The following CCR3 variants were observed in gnomAD, a reference collection of about 807,000 sequenced individuals.
CCR3 encodes C-C motif chemokine receptor 3.
For missense variants in CCR3, 419 were observed against 437.5 expected, an observed-to-expected ratio of 0.96 and a Z score of 0.38; for synonymous variants, 203 against 179.2, an observed-to-expected ratio of 1.13 and a Z score of -1.06.
At chr3:46,227,159 C>T (rs1473266661) in intron 2 of CCR3, among the ~76,000 whole-genome samples, 6 of 152,162 alleles carry the variant, frequency 3.9e-5, no homozygotes, top group African/African-American at 1.4e-4. Context: ...GCTGGGATTA[C>T]AGACCTGAGC....
intron 1 of CCR3, among the ~76,000 whole-genome samples, chr3:46,260,980 A>G (rs543834497): frequency 6.6e-6 from 1 of 152,292 alleles, no homozygotes; most frequent in East Asian, 1.9e-4. Context: ...TTAACCACAT[A>G]AGATTCTCTC....
At chr3:46,243,591 A>C (rs1366451761) in intron 1 of CCR3, among the ~76,000 whole-genome samples, 1 of 152,166 alleles carries the variant, frequency 6.6e-6, no homozygotes, top group Non-Finnish European at 1.5e-5. Flanking sequence ...GATGAGTGTT[A>C]ACTTTGACAA....
At chr3:46,260,984 TTC>T (rs545605250) in intron 1 of CCR3, among the ~76,000 whole-genome samples, 46 of 152,282 alleles carry the variant, frequency 3.0e-4, no homozygotes, top group African/African-American at 1.0e-3. Flanking sequence ...CCACATAAGA[TTC>T]TCTCTCTCAT....
At chr3:46,221,178 A>G (rs1227056742) in intron 2 of CCR3, among the ~76,000 whole-genome samples, 1 of 152,166 alleles carries the variant, frequency 6.6e-6, no homozygotes, top group Non-Finnish European at 1.5e-5. Flanking sequence ...AATTGATGCT[A>G]TTATATCAGG....
At chr3:46,255,872 T>C (rs1484790759) in intron 1 of CCR3, among the ~76,000 whole-genome samples, 1 of 152,140 alleles carries the variant, frequency 6.6e-6, no homozygotes, top group Non-Finnish European at 1.5e-5. Context: ...TGTGTTGCTT[T>C]GGCAATGTGG....
intron 1 of CCR3, among the ~76,000 whole-genome samples, chr3:46,260,375 A>G (rs193180825): frequency 5.9e-4 from 89 of 151,778 alleles, no homozygotes; most frequent in African/African-American, 2.1e-3. Flanking sequence ...CCAACATCTC[A>G]TCTGAGACAA....
intron 2 of CCR3, among the ~76,000 whole-genome samples, chr3:46,215,935 C>A (rs780969953): frequency 3.9e-5 from 6 of 152,210 alleles, no homozygotes; most frequent in Non-Finnish European, 5.9e-5. Context: ...AGCTTCACTT[C>A]ATGGGAATAG....
At chr3:46,264,348 G>A (rs1356729475) in intron 1 of CCR3, 1 of 1,103,060 alleles carries the variant, frequency 9.1e-7, no homozygotes, top group Non-Finnish European at 1.3e-6. Context: ...TACTGTGATT[G>A]TACATGTGTA....
intron 1 of CCR3, among the ~76,000 whole-genome samples, chr3:46,245,153 T>A (rs1700165711): frequency 6.6e-6 from 1 of 151,994 alleles, no homozygotes; most frequent in South Asian, 2.1e-4. Flanking sequence ...GCTCTGGAAA[T>A]CCATGTGCTG....
Position 46,265,539 on chromosome 3 carries a change from G to A in CCR3, c.381G>A (p.Leu127=), listed in dbSNP as rs1367070630. 5.6e-6 allele frequency: 9 copies of A among 1,614,116 alleles called. No individual in the cohort carries two copies. The highest frequency in any genetic ancestry group is 6.8e-6 in the Non-Finnish European group (8 of 1,180,012). The change falls in exon 2 of 2, where the codon CTG becomes CTA. Residue 127 remains leucine, a synonymous_variant. Transcript: ENST00000395940. Reference sequence around the variant, plus strand: ...GCGAGATCTTTTTCATAATCCTGCTGACAATCGACAGGTACCTGGCCATTG... The same window carrying A: ...GCGAGATCTTTTTCATAATCCTGCTAACAATCGACAGGTACCTGGCCATTG... ...LYSEIFFIIL[L]TIDRYLAIVH...
At chr3:46,247,971 G>A (rs1174080831) in intron 1 of CCR3, among the ~76,000 whole-genome samples, 1 of 152,132 alleles carries the variant, frequency 6.6e-6, no homozygotes, top group Non-Finnish European at 1.5e-5. Flanking sequence ...GAAATGAGAG[G>A]TTCTAAGAGG....
intron 1 of CCR3, chr3:46,264,612 C>T (rs1344397968): frequency 3.8e-5 from 22 of 574,384 alleles, no homozygotes; most frequent in Non-Finnish European, 5.4e-5. Flanking sequence ...CTTCAAGGTT[C>T]AATTTCCCCA....
Position 46,266,103 on chromosome 3 carries a change from C to T in CCR3, c.945C>T (p.Phe315=). 4 of 1,614,038 alleles carry T rather than the reference C, an allele frequency of 2.5e-6. No individual in the cohort carries two copies. Among genetic ancestry groups the T allele is most frequent in the Non-Finnish European group, 3.4e-6 (4 of 1,179,964 alleles). Residue 315 remains phenylalanine (F), a synonymous_variant, in exon 2 of 2, where the codon TTC becomes TTT. Coordinates refer to ENST00000395940, the MANE Select transcript of CCR3 (RefSeq NM_178329.3). ...GGTTCCGGAAGTACCTGCGCCACTT[C>T]TTCCACAGGCACTTGCTCATGCACC... ...GERFRKYLRH[F]FHRHLLMHLG... is the part of the protein sequence containing the mutation.
chr3:46,241,843 G>A (rs911546634), upstream of CCR3, among the ~76,000 whole-genome samples: 3 of 151,968 alleles, frequency 2.0e-5, no homozygotes, highest in Non-Finnish European at 4.4e-5. Flanking sequence ...CCTGTCTCCC[G>A]ATGAGTCAAA....
chr3:46,225,373 T>A (rs181906433), intron 2 of CCR3, among the ~76,000 whole-genome samples: 1 of 152,170 alleles, frequency 6.6e-6, no homozygotes, highest in Non-Finnish European at 1.5e-5. Flanking sequence ...GAACATTTTT[T>A]AGGTAAATTG....
chr3:46,233,030 A>G (rs140838955), intron 2 of CCR3, among the ~76,000 whole-genome samples: 1 of 152,218 alleles, frequency 6.6e-6, no homozygotes, highest in East Asian at 1.9e-4. Context: ...ACGGGGTTTC[A>G]CCATGTTGGC....
intron 2 of CCR3, among the ~76,000 whole-genome samples, chr3:46,233,785 C>T (rs140298847): frequency 1.3e-5 from 2 of 152,350 alleles, no homozygotes; most frequent in Non-Finnish European, 2.9e-5. Context: ...GCCATCCTCA[C>T]CTTTGGCTGA....
chr3:46,248,136 G>C (rs970041043), intron 1 of CCR3, among the ~76,000 whole-genome samples: 1 of 152,138 alleles, frequency 6.6e-6, no homozygotes, highest in Non-Finnish European at 1.5e-5. Context: ...GTGGATCAGA[G>C]AGATACAGTC....
intron 2 of CCR3, among the ~76,000 whole-genome samples, chr3:46,216,381 A>C (rs2125922737): frequency 6.6e-6 from 1 of 152,326 alleles, no homozygotes; most frequent in Non-Finnish European, 1.5e-5. Flanking sequence ...GGTGTGCCTG[A>C]GGAAGAAAGG....
Sources: gnomAD v4.1 joint callset for allele counts (sites outside exome capture counted in the v4.1 genomes callset) on GRCh38, gnomAD v4.1.1 for gene constraint, MANE v1.5 for transcripts, NCBI Gene and HGNC (gene_info 2026-07-23, HGNC 2026-07-21) for gene names.